DLG2: variants seen among roughly 807,000 people sequenced by gnomAD.
DLG2 encodes disks large homolog 2.
A neutral mutation model predicts 132.5 loss-of-function variants in DLG2; 45 were observed. The observed-to-expected ratio is 0.34, with a 90% CI of 0.27 to 0.44. DLG2 has a LOEUF of 0.44. Among genes scored for constraint, DLG2 ranks in the 20% least tolerant of loss-of-function variants. DLG2 has a pLI of 1.00. For missense variants in DLG2, 1,045 were observed against 1,196.9 expected (o/e 0.87, Z 1.87); for synonymous variants, 424 against 419.6 (o/e 1.01, Z -0.13).
chr11:83,936,544 T>A (rs1256420026), intron 14 of DLG2, among the ~76,000 whole-genome samples: 1 of 152,218 alleles, frequency 6.6e-6, no homozygotes, highest in African/African-American at 2.4e-5. Context: ...AAAGTAGAAA[T>A]TAGGATTGGT....
chr11:84,360,812 G>C (rs1030672032), intron 7 of DLG2, among the ~76,000 whole-genome samples: 16 of 151,724 alleles, frequency 1.1e-4, no homozygotes, highest in African/African-American at 3.6e-4. Context: ...AGAAATGACA[G>C]AGATAATAAA....
intron 6 of DLG2, among the ~76,000 whole-genome samples, chr11:85,061,859 T>A: frequency 6.6e-6 from 1 of 151,862 alleles, no homozygotes; most frequent in Non-Finnish European, 1.5e-5. Flanking sequence ...GCTCTCTGAG[T>A]GTTACTGAAG....
intron 12 of DLG2, among the ~76,000 whole-genome samples, chr11:83,969,192 A>T (rs764475224): frequency 6.6e-6 from 1 of 152,174 alleles, no homozygotes. Flanking sequence ...TGTCAAAGCC[A>T]TCAATTGGAT....
At chr11:85,077,635 CAA>C (rs2066721018) in intron 6 of DLG2, among the ~76,000 whole-genome samples, 1 of 129,754 alleles carries the variant, frequency 7.7e-6, no homozygotes, top group East Asian at 2.2e-4. Flanking sequence ...TCATAATTGT[CAA>C]AAGTTATAAA....
intron 16 of DLG2, among the ~76,000 whole-genome samples, chr11:83,854,235 A>ATAAATGGAGAGATAGTCCATG: frequency 6.6e-6 from 1 of 152,286 alleles, no homozygotes; most frequent in East Asian, 1.9e-4. Flanking sequence ...AAAGAACTAA[A>ATAAATGGAGAGATAGTCCATG]TAAATGGAGA....
chr11:84,280,269 A>T (rs1413058373), intron 7 of DLG2, among the ~76,000 whole-genome samples: 2 of 151,320 alleles, frequency 1.3e-5, no homozygotes, highest in Non-Finnish European at 2.9e-5. Flanking sequence ...AATTTACGAC[A>T]AATTTTTGAA....
At chr11:84,581,856 G>A (rs557057519) in intron 6 of DLG2, among the ~76,000 whole-genome samples, 3 of 145,348 alleles carry the variant, frequency 2.1e-5, no homozygotes, top group African/African-American at 7.7e-5. Context: ...GCAGTCAGCC[G>A]AGATTGCCTC....
intron 18 of DLG2, among the ~76,000 whole-genome samples, chr11:83,748,588 T>C (rs1487134429): frequency 6.6e-6 from 1 of 152,166 alleles, no homozygotes; most frequent in Non-Finnish European, 1.5e-5. Context: ...CAAAATGCCA[T>C]TCAGCTCAGA....
At chr11:84,502,176 T>TTTCCCTCTCTCTC in intron 7 of DLG2, among the ~76,000 whole-genome samples, 1 of 25,592 alleles carries the variant, frequency 3.9e-5, no homozygotes, top group Non-Finnish European at 8.8e-5. Flanking sequence ...CTCTCTCTCT[T>TTTCCCTCTCTCTC]TCTCTCTCTT....
intron 6 of DLG2, among the ~76,000 whole-genome samples, chr11:84,574,416 T>G (rs2099493978): frequency 6.6e-6 from 1 of 152,018 alleles, no homozygotes; most frequent in African/African-American, 2.4e-5. Context: ...TTAATGTCAA[T>G]GTTTACCTGT....
chr11:84,901,519 C>A lies in DLG2; in HGVS notation c.357+210142G>T, dbSNP rs148997890. Among the ~76,000 whole-genome samples the A allele has an allele frequency of 1.4e-3, 215 of 150,904 alleles. 2 individuals carry two copies. The highest frequency in any genetic ancestry group is 5.0e-3 in the African/African-American group (202 of 40,694). On this transcript the variant is annotated intron_variant, in intron 6 of 27. Transcript: ENST00000376104. ...GAGACTTAGAAAAATGAATATCCTT[C>A]AAAATTAAACATTTGGTGAAAGTTA...
intron 11 of DLG2, among the ~76,000 whole-genome samples, chr11:84,013,866 CAAAAAAAAAAAAAAA>C (rs5793100): frequency 4.7e-5 from 3 of 64,078 alleles, no homozygotes; most frequent in African/African-American, 1.7e-4. Flanking sequence ...GACTGCGTCT[CAAAAAAAAAAAAAAA>C]AAAAAAAAAG....
chr11:84,202,664 C>A (rs1412824607), intron 8 of DLG2, among the ~76,000 whole-genome samples: 2 of 152,158 alleles, frequency 1.3e-5, no homozygotes, highest in Non-Finnish European at 2.9e-5. Flanking sequence ...AAGAAACTAT[C>A]ATCAAAGTGA....
intron 7 of DLG2, among the ~76,000 whole-genome samples, chr11:84,275,265 G>A (rs1208485661): frequency 2.6e-5 from 4 of 152,112 alleles, no homozygotes; most frequent in African/African-American, 9.7e-5. Context: ...TTTGTGTGTG[G>A]AAACAGTTTT....
intron 7 of DLG2, among the ~76,000 whole-genome samples, chr11:84,343,922 A>G (rs2098527329): frequency 6.6e-6 from 1 of 152,186 alleles, no homozygotes; most frequent in Admixed American, 6.6e-5. Context: ...TTCATGAGAA[A>G]TCAGCATAAT....
chr11:83,862,885 A>C (rs1020560747), intron 16 of DLG2, among the ~76,000 whole-genome samples: 4 of 152,154 alleles, frequency 2.6e-5, no homozygotes, highest in Non-Finnish European at 4.4e-5. Context: ...TCACTTGTTG[A>C]ATATGGTCTG....
At chr11:84,024,245 C>T (rs2095479291) in intron 11 of DLG2, among the ~76,000 whole-genome samples, 1 of 152,136 alleles carries the variant, frequency 6.6e-6, no homozygotes, top group African/African-American at 2.4e-5. Flanking sequence ...AACTCTCTGA[C>T]CTATAGTTAA....
At chr11:84,454,725 A>G (rs1007978905) in intron 7 of DLG2, among the ~76,000 whole-genome samples, 8 of 151,548 alleles carry the variant, frequency 5.3e-5, no homozygotes, top group African/African-American at 1.9e-4. Flanking sequence ...TGAGAAAATA[A>G]GCCAAATAAA....
At chr11:84,185,094 C>T (rs545000827) in intron 8 of DLG2, among the ~76,000 whole-genome samples, 189 of 152,116 alleles carry the variant, frequency 1.2e-3, no homozygotes, top group Non-Finnish European at 2.2e-3. Context: ...GCAGTTTTTT[C>T]CAATTCTGTG....
Sources: allele counts gnomAD v4.1 joint callset (sites outside exome capture counted in the v4.1 genomes callset), GRCh38; gene constraint gnomAD v4.1.1; transcripts MANE v1.5; gene names NCBI Gene and HGNC (gene_info 2026-07-23, HGNC 2026-07-21).